Variants in ZFHX3 observed in about 807,000 individuals in gnomAD.
The protein encoded by ZFHX3 is zinc finger homeobox 3.
A neutral mutation model predicts 279.1 loss-of-function variants in ZFHX3; 42 were observed. The ratio of observed to expected loss-of-function variants is 0.15; its 90% CI spans 0.12 to 0.19. ZFHX3 has a LOEUF of 0.19. ZFHX3 is among the 10% of genes least tolerant of loss of function. The probability of loss-of-function intolerance (pLI) is 1.00; values close to 1 mark genes in which losing one functional copy is unlikely to be tolerated. For synonymous variants in ZFHX3, 2,293 were observed against 1,957.8 expected, an observed-to-expected ratio of 1.17 and a Z score of -4.52; for missense variants, 4,981 against 4,754.0, an observed-to-expected ratio of 1.05 and a Z score of -1.40.
At chr16:73,519,041 G>GT (rs1198289372) in intron 2 of ZFHX3, among the ~76,000 whole-genome samples, 1 of 152,160 alleles carries the variant, frequency 6.6e-6, no homozygotes, top group Non-Finnish European at 1.5e-5. Context: ...AGTCATTTAA[G>GT]TAAGCAGATA....
At chr16:73,630,418 T>A (rs922647) in intron 2 of ZFHX3, among the ~76,000 whole-genome samples, 121,186 of 152,126 alleles carry the variant, frequency 0.8, 49,394 homozygotes, top group East Asian at 0.99. Context: ...TAGGGTTTCA[T>A]ATGTCAACTT....
At chr16:73,574,693 C>T (rs1405852820) in intron 2 of ZFHX3, among the ~76,000 whole-genome samples, 1 of 152,124 alleles carries the variant, frequency 6.6e-6, no homozygotes, top group Non-Finnish European at 1.5e-5. Context: ...GTCTTCATCA[C>T]CTCTGTTTTC....
intron 2 of ZFHX3, among the ~76,000 whole-genome samples, chr16:73,582,948 G>A (rs2051877386): frequency 1.3e-5 from 2 of 152,300 alleles, no homozygotes; most frequent in South Asian, 2.1e-4. Context: ...TTGTTGTACT[G>A]CCTTGTTTTA....
intron 5 of ZFHX3, among the ~76,000 whole-genome samples, chr16:73,148,850 G>C (rs182997202): frequency 2.6e-5 from 4 of 151,794 alleles, no homozygotes; most frequent in Admixed American, 2.6e-4. Flanking sequence ...AGGAGGCTGA[G>C]GCAGTAGAAC....
chr16:73,652,903 C>G (rs1419269130), intron 2 of ZFHX3, among the ~76,000 whole-genome samples: 1 of 151,660 alleles, frequency 6.6e-6, no homozygotes, highest in African/African-American at 2.4e-5. Context: ...GTAAATGAAC[C>G]AACAGCCCCA....
At chr16:73,843,483 G>T (rs970218437) in intron 1 of ZFHX3, among the ~76,000 whole-genome samples, 5 of 152,296 alleles carry the variant, frequency 3.3e-5, no homozygotes, top group Non-Finnish European at 5.9e-5. Flanking sequence ...AAGATGACAG[G>T]GTCTGGTCTT....
chr16:73,177,378 A>C (rs1265521465), intron 5 of ZFHX3, among the ~76,000 whole-genome samples: 1 of 152,258 alleles, frequency 6.6e-6, no homozygotes, highest in Non-Finnish European at 1.5e-5. Flanking sequence ...ACAAAAGAGA[A>C]TACTAATGTT....
At chr16:73,488,302 G>A (rs1250323039) in intron 2 of ZFHX3, among the ~76,000 whole-genome samples, 1 of 152,150 alleles carries the variant, frequency 6.6e-6, no homozygotes, top group East Asian at 1.9e-4. Flanking sequence ...CATATGGGTG[G>A]CAAAGGAAGG....
At chr16:73,635,175 A>C (rs931613034) in intron 2 of ZFHX3, among the ~76,000 whole-genome samples, 6 of 152,166 alleles carry the variant, frequency 3.9e-5, no homozygotes, top group African/African-American at 1.4e-4. Context: ...AAGTTTCTTC[A>C]CTAAAAAGAA....
chr16:73,619,443 G>A (rs371610097), intron 2 of ZFHX3, among the ~76,000 whole-genome samples: 11 of 150,396 alleles, frequency 7.3e-5, no homozygotes, highest in South Asian at 6.3e-4. Context: ...AGCGGAGATC[G>A]TGCCACTGCA....
intron 7 of ZFHX3, among the ~76,000 whole-genome samples, chr16:73,124,722 A>G (rs1966541358): frequency 6.6e-6 from 1 of 152,164 alleles, no homozygotes; most frequent in Non-Finnish European, 1.5e-5. Context: ...GGGAAACACA[A>G]GAGAGAGTGT....
At chr16:73,718,885 A>G (rs958756556) in intron 1 of ZFHX3, among the ~76,000 whole-genome samples, 2 of 152,132 alleles carry the variant, frequency 1.3e-5, no homozygotes, top group Non-Finnish European at 2.9e-5. Context: ...AAGTGCTGGG[A>G]TTACAGGTGT....
rs1410594452 is a variant in ZFHX3 at position 72,794,211 on chromosome 16, T to C, written c.8471A>G (p.Asn2824Ser). The change falls in exon 9 of 10, where the codon AAC (asparagine) becomes AGC (serine). Residue 2824 changes from asparagine to serine, a missense_variant. By Grantham distance (46) the Asn-to-Ser change is conservative (BLOSUM62 1). This residue lies in a region of ZFHX3 where 744 missense variants were observed against 701.3 expected (regional missense o/e 1.06). Transcript: ENST00000268489. This position sits in a 1 kb window ranked among gnomAD's most constrained non-coding sequence, Gnocchi z 4.2. ...ESPSMSSVNL[N>S]FDQTKLDNDD... ...GTTGTCCAGCTTAGTTTGGTCAAAG[T>C]TTAGATTAACTGAGGACATGGAGGG... 6.2e-7 allele frequency: 1 copy of C among 1,614,030 alleles called. No individual in the cohort carries two copies. The highest frequency in any genetic ancestry group is 8.5e-7 in the Non-Finnish European group (1 of 1,180,048).
chr16:73,327,717 G>T (rs2015720833), intron 3 of ZFHX3, among the ~76,000 whole-genome samples: 1 of 152,242 alleles, frequency 6.6e-6, no homozygotes, highest in South Asian at 2.1e-4. Flanking sequence ...AGGCTGGAGT[G>T]TCATATGTTG....
chr16:73,249,078 C>A (rs111303293), intron 5 of ZFHX3, among the ~76,000 whole-genome samples: 1 of 152,172 alleles, frequency 6.6e-6, no homozygotes, highest in African/African-American at 2.4e-5. Flanking sequence ...TAATACGCCT[C>A]CTTTCCTTGA....
At chr16:73,569,606 T>C (rs1460415805) in intron 2 of ZFHX3, among the ~76,000 whole-genome samples, 1 of 152,096 alleles carries the variant, frequency 6.6e-6, no homozygotes, top group Non-Finnish European at 1.5e-5. Flanking sequence ...ATGAATCCAC[T>C]CGGCCACAAT....
chr16:73,274,464 T>G (rs971286445), intron 4 of ZFHX3, among the ~76,000 whole-genome samples: 3 of 152,250 alleles, frequency 2.0e-5, no homozygotes, highest in African/African-American at 7.2e-5. Flanking sequence ...TATGTTCTAT[T>G]CTATAACTTT....
intron 1 of ZFHX3, among the ~76,000 whole-genome samples, chr16:73,692,894 T>C (rs894197510): frequency 6.6e-6 from 1 of 152,242 alleles, no homozygotes; most frequent in Admixed American, 6.5e-5. Context: ...ACAAATGTTT[T>C]AAATTTTATA....
chr16:73,411,495 A>G (rs2017465530), intron 3 of ZFHX3, among the ~76,000 whole-genome samples: 1 of 152,188 alleles, frequency 6.6e-6, no homozygotes, highest in Non-Finnish European at 1.5e-5. Context: ...AATTCCATTT[A>G]TACTTCTTTG....
Sources: gnomAD v4.1 joint callset for allele counts (sites outside exome capture counted in the v4.1 genomes callset) on GRCh38, gnomAD v4.1.1 for gene constraint, gnomAD v4.1.1 regional missense constraint, Gnocchi (gnomAD v3.1) non-coding constraint, MANE v1.5 for transcripts, NCBI Gene and HGNC (gene_info 2026-07-23, HGNC 2026-07-21) for gene names.